PALMD: variants seen among roughly 807,000 people sequenced by gnomAD.
PALMD encodes the protein palmdelphin.
In PALMD, 42 loss-of-function variants were observed where a neutral mutation model predicts 56.2. That is an observed-to-expected ratio of 0.75 (90% CI 0.58 to 0.97). The LOEUF (loss-of-function observed/expected upper bound fraction) is 0.97, where lower values mean the gene tolerates loss of function less well. PALMD is among the 50% of genes least tolerant of loss of function. The pLI is 0.00. For synonymous variants in PALMD, 242 were observed against 222.9 expected (o/e 1.09, Z -0.76); for missense variants, 660 against 643.8 (o/e 1.03, Z -0.27).
intron 1 of PALMD, 38 bp downstream of exon 1, chr1:99,646,400 A>C: frequency 6.5e-7 from 1 of 1,549,916 alleles, no homozygotes. Flanking sequence ...TAACGTTGTT[A>C]CTTAGAGGAA....
intron 1 of PALMD, among the ~76,000 whole-genome samples, chr1:99,655,527 A>G (rs1652703150): frequency 6.6e-6 from 1 of 152,080 alleles, no homozygotes; most frequent in African/African-American, 2.4e-5. Context: ...TAATTTCACC[A>G]GTCTTTAAAT....
chr1:99,686,371 C>A, intron 3 of PALMD: 1 of 177,962 alleles, frequency 5.6e-6, no homozygotes, highest in Non-Finnish European at 1.2e-5. Flanking sequence ...TTAAAAATCT[C>A]TTTTATTTGG....
intron 2 of PALMD, among the ~76,000 whole-genome samples, chr1:99,666,139 C>T (rs1450764184): frequency 6.6e-6 from 1 of 152,018 alleles, no homozygotes; most frequent in African/African-American, 2.4e-5. Flanking sequence ...AGCTTTCAGG[C>T]CCCTTCACTT....
At chr1:99,684,015 T>C (rs1653431262) in intron 3 of PALMD, 1 of 152,252 alleles carries the variant, frequency 6.6e-6, no homozygotes, top group African/African-American at 2.4e-5. Flanking sequence ...AGGCTTTCTC[T>C]ATATTCTTTA....
Position 99,688,914 on chromosome 1 carries a change from T to C in PALMD, c.654T>C (p.Tyr218=). 6.2e-7 allele frequency: 1 copy of C among 1,613,778 alleles called. No individual in the cohort carries two copies. The highest frequency in any genetic ancestry group is 8.5e-7 in the Non-Finnish European group (1 of 1,179,778). Reference sequence around the variant, plus strand: ...ATGATGATGGGCAAAAGTCAGTGTATGCAGTAAGTTCTAATCACAGTGCAG... The same window carrying C: ...ATGATGATGGGCAAAAGTCAGTGTACGCAGTAAGTTCTAATCACAGTGCAG... ...KVYDDGQKSV[Y]AVSSNHSAAY... The change falls in exon 7 of 8, where the codon TAT becomes TAC. Residue 218 remains tyrosine (Y), a synonymous_variant. Coordinates refer to ENST00000263174, the MANE Select transcript of PALMD (RefSeq NM_017734.5).
At chr1:99,670,650 T>A (rs1191009632) in intron 3 of PALMD, among the ~76,000 whole-genome samples, 1 of 151,954 alleles carries the variant, frequency 6.6e-6, no homozygotes, top group Non-Finnish European at 1.5e-5. Context: ...CCTAAAAAGA[T>A]GTATTTGCAA....
intron 1 of PALMD, among the ~76,000 whole-genome samples, chr1:99,649,261 G>A (rs1260262270): frequency 6.6e-6 from 1 of 152,082 alleles, no homozygotes; most frequent in Non-Finnish European, 1.5e-5. Flanking sequence ...TTTAAACACA[G>A]GGCTGCTTAA....
chr1:99,674,398 C>T (rs1653158473), intron 3 of PALMD, among the ~76,000 whole-genome samples: 1 of 152,048 alleles, frequency 6.6e-6, no homozygotes, highest in African/African-American at 2.4e-5. Context: ...TCTAATTAGC[C>T]TCATTTTGTA....
rs1557674083 is a variant in PALMD at position 99,683,146 on chromosome 1, GAAAGAAAGAAAGAAAGAAA to G, written c.252-3529_252-3511del. ...AGAAAGAAAGAAAGAAAGAAAGAAA[GAAAGAAAGAAAGAAAGAAA>G]GAAACGAACACCCTATGAAGTTGTT... On this transcript the variant is annotated intron_variant, in intron 3 of 7. Transcript: ENST00000263174. 925 of 122,398 alleles carry G rather than the reference GAAAGAAAGAAAGAAAGAAA, an allele frequency of 7.6e-3. 51 individuals carry two copies. The highest frequency in any genetic ancestry group is 0.02 in the African/African-American group (484 of 24,526). The allele number at this position is 122,398 out of a possible 1,614,324, so 7.6% of individuals were successfully genotyped here. A position where few individuals can be genotyped will look rare whatever the true frequency, so the allele number is the denominator to read the frequency against.
chr1:99,684,841 G>A (rs1317578552), intron 3 of PALMD: 1 of 152,186 alleles, frequency 6.6e-6, no homozygotes, highest in Non-Finnish European at 1.5e-5. Flanking sequence ...GTGAGGTCAG[G>A]TGACTTGTCT....
At chr1:99,653,959 C>G (rs1652654101) in intron 1 of PALMD, among the ~76,000 whole-genome samples, 1 of 152,058 alleles carries the variant, frequency 6.6e-6, no homozygotes. Context: ...AAGGGTTGAT[C>G]AGAACTCTGA....
chr1:99,672,996 C>T (rs2100865332), intron 3 of PALMD, among the ~76,000 whole-genome samples: 1 of 152,242 alleles, frequency 6.6e-6, no homozygotes, highest in African/African-American at 2.4e-5. Context: ...CCTTGGATGT[C>T]TGTGTGACTA....
chr1:99,670,216 C>T lies in PALMD; in HGVS notation c.251+2450C>T, dbSNP rs188210602. Among the ~76,000 whole-genome samples the T allele has an allele frequency of 1.7e-3, 253 of 152,290 alleles. 1 individual carries two copies. Among genetic ancestry groups the T allele is most frequent in the East Asian group, 5.6e-3 (29 of 5,182 alleles). ...CATGTTTGTTCATTACCCAATTTCT[C>T]GCATCTCACTACAACTTTTAGATCT... On this transcript the variant is annotated intron_variant, in intron 3 of 7. Transcript: ENST00000263174.
chr1:99,675,023 G>A (rs546868250), intron 3 of PALMD, among the ~76,000 whole-genome samples: 1 of 152,270 alleles, frequency 6.6e-6, no homozygotes, highest in African/African-American at 2.4e-5. Flanking sequence ...TCTGCCATAA[G>A]GCAAATGTCA....
intron 1 of PALMD, among the ~76,000 whole-genome samples, chr1:99,650,639 T>C (rs1652559913): frequency 6.6e-6 from 1 of 152,164 alleles, no homozygotes; most frequent in Non-Finnish European, 1.5e-5. Flanking sequence ...CTGTGTGATT[T>C]GTGGGGCCCA....
intron 3 of PALMD, 90 bp downstream of exon 3, chr1:99,667,856 C>A: frequency 3.5e-6 from 4 of 1,140,618 alleles, no homozygotes; most frequent in Non-Finnish European, 5.1e-6. Flanking sequence ...CTTTCAGGGG[C>A]ATAATCAAAT....
At chr1:99,686,545 T>C (rs1172122577) in intron 3 of PALMD, 131 bp from the exon 4 acceptor site, 5 of 560,052 alleles carry the variant, frequency 8.9e-6, no homozygotes, top group Non-Finnish European at 1.6e-5. Context: ...AAGTGTGACA[T>C]TATATTCTTA....
intron 1 of PALMD, among the ~76,000 whole-genome samples, chr1:99,655,636 T>A (rs939644017): frequency 6.6e-6 from 1 of 152,218 alleles, no homozygotes; most frequent in Non-Finnish European, 1.5e-5. Flanking sequence ...CCAAAGAGGT[T>A]ACTTAACAAT....
At chr1:99,683,938 C>G (rs912474612) in intron 3 of PALMD, 2 of 152,222 alleles carry the variant, frequency 1.3e-5, no homozygotes, top group East Asian at 3.8e-4. Context: ...CTTCATGTCT[C>G]TGCTCAAATG....
Sources: allele counts gnomAD v4.1 joint callset (sites outside exome capture counted in the v4.1 genomes callset), GRCh38; gene constraint gnomAD v4.1.1; transcripts MANE v1.5; gene names NCBI Gene and HGNC (gene_info 2026-07-23, HGNC 2026-07-21).